Variants in PLXNC1 observed in about 807,000 individuals in gnomAD.
The protein encoded by PLXNC1 is plexin C1, also known as plexin-C1.
A neutral mutation model predicts 178.2 loss-of-function variants in PLXNC1; 75 were observed. That is an observed-to-expected ratio of 0.42 (90% CI 0.35 to 0.51). The LOEUF (loss-of-function observed/expected upper bound fraction) is 0.51, where lower values mean the gene tolerates loss of function less well. Ranked by LOEUF, PLXNC1 falls within the 20% of genes least tolerant of loss-of-function variation. PLXNC1 has a pLI of 0.02. For synonymous variants in PLXNC1, 790 were observed against 779.9 expected, an observed-to-expected ratio of 1.01 and a Z score of -0.22; for missense variants, 1,503 against 1,984.4, an observed-to-expected ratio of 0.76 and a Z score of 4.61.
At chr12:94,215,759 A>G (rs145148525) in intron 5 of PLXNC1, among the ~76,000 whole-genome samples, 1 of 152,152 alleles carries the variant, frequency 6.6e-6, no homozygotes, top group African/African-American at 2.4e-5. Context: ...GGCTTATACT[A>G]TGGAAACGTA....
intron 21 of PLXNC1, among the ~76,000 whole-genome samples, chr12:94,270,952 C>A (rs1965534289): frequency 6.6e-6 from 1 of 152,066 alleles, no homozygotes; most frequent in Admixed American, 6.5e-5. Context: ...GAACGTCAGG[C>A]AGAATGTCCC....
At chr12:94,226,990 TC>T (rs63402960) in intron 8 of PLXNC1, among the ~76,000 whole-genome samples, 158 bp from the exon 9 acceptor site, 27,189 of 151,900 alleles carry the variant, frequency 0.18, 2,947 homozygotes, top group African/African-American at 0.31. Context: ...GCCACTGCAC[TC>T]CCAGCCTGGG....
chr12:94,192,700 C>T (rs542983186), intron 4 of PLXNC1, among the ~76,000 whole-genome samples: 15 of 152,142 alleles, frequency 9.9e-5, no homozygotes, highest in African/African-American at 2.7e-4. Context: ...ATGTTCTAAG[C>T]CCTGGCTGAC....
rs533840382 is a variant in PLXNC1, at chr12:94,278,621, G to T, written c.3598-851G>T. On this transcript the variant is annotated intron_variant, in intron 21 of 30. Transcript: ENST00000258526. ...GTGGGGATCTCAGTGCTTTAATGAG[G>T]GCTGGGGAAACCATCTGACTGAGGA... is the stretch of plus-strand genomic sequence containing the variant. Among the ~76,000 whole-genome samples, 41 of 152,202 alleles carry T rather than the reference G, an allele frequency of 2.7e-4. No individual in the cohort carries two copies. In the South Asian group the frequency reaches 8.5e-3, roughly 32 times the overall value.
chr12:94,256,499 T>C (rs1443414874), intron 17 of PLXNC1, among the ~76,000 whole-genome samples: 1 of 152,088 alleles, frequency 6.6e-6, no homozygotes, highest in Non-Finnish European at 1.5e-5. Context: ...GGCACCGAGA[T>C]CTACCATTTG....
rs75674989 is a variant in PLXNC1, at chr12:94,226,656, G to A, written c.1842G>A (p.Arg614=). 1 of 1,613,862 alleles carries A rather than the reference G, an allele frequency of 6.2e-7. No individual in the cohort carries two copies. Among genetic ancestry groups the A allele is most frequent in the South Asian group, 1.1e-5 (1 of 91,082 alleles). ...TGCAWCKSAR[R]CIHPFTACDP... ...GCGCGTGGTGTAAAAGTGCAAGAAG[G>A]TGTATCCACCCCTTCACAGCTTGCG... The change falls in exon 8 of 31, where the codon AGG becomes AGA. Residue 614 remains arginine (R), a synonymous_variant. Transcript: ENST00000258526.
chr12:94,304,976 C>T (rs533497882), intron 30 of PLXNC1, among the ~76,000 whole-genome samples: 3 of 152,244 alleles, frequency 2.0e-5, no homozygotes, highest in East Asian at 1.9e-4. Context: ...GTATTTCTTG[C>T]GAGCTTCTAT....
At chr12:94,226,757 C>G (rs1468567841) in intron 8 of PLXNC1, 50 bp downstream of exon 8, 1 of 1,291,060 alleles carries the variant, frequency 7.7e-7, no homozygotes. Context: ...GGCATGGTGG[C>G]TCACGCCTGC....
At chr12:94,154,863 C>T (rs552472792) in intron 1 of PLXNC1, among the ~76,000 whole-genome samples, 9 of 152,286 alleles carry the variant, frequency 5.9e-5, no homozygotes, top group African/African-American at 1.7e-4. Context: ...GTTGAACCCC[C>T]CATACCTAGC....
At chr12:94,251,958 A>G (rs1208480422) in intron 15 of PLXNC1, among the ~76,000 whole-genome samples, 1 of 152,188 alleles carries the variant, frequency 6.6e-6, no homozygotes, top group East Asian at 1.9e-4. Flanking sequence ...ACACCACTGC[A>G]CTCCAGCCTG....
At chr12:94,226,764 C>G in intron 8 of PLXNC1, 57 bp downstream of exon 8, 1 of 1,241,112 alleles carries the variant, frequency 8.1e-7, no homozygotes, top group South Asian at 1.2e-5. Context: ...TGGCTCACGC[C>G]TGCAATCCCA....
chr12:94,159,729 A>G (rs998885739), intron 1 of PLXNC1, among the ~76,000 whole-genome samples: 2 of 152,224 alleles, frequency 1.3e-5, no homozygotes, highest in African/African-American at 4.8e-5. Flanking sequence ...TTGAATTCCT[A>G]AATAACGGCT....
At position 94,260,441 on chromosome 12, in the gene PLXNC1, C is replaced by T; in HGVS notation, c.3252-201C>T. Among the ~76,000 whole-genome samples the T allele has an allele frequency of 6.6e-6, 1 of 151,406 alleles. No individual in the cohort carries two copies. The highest frequency in any genetic ancestry group is 1.5e-5 in the Non-Finnish European group (1 of 67,942). On this transcript the variant is annotated intron_variant, in intron 19 of 30. Transcript: ENST00000258526. The surrounding 1 kb of genome is among the most constrained non-coding windows in gnomAD (Gnocchi z 4.4). ...ACTTTGGAAGACTCACATCTTGTTA[C>T]CACTCTAGTTTAAATGCTGAAAACA... is the stretch of plus-strand genomic sequence containing the variant.
chr12:94,262,709 C>A, intron 20 of PLXNC1: 2 of 985,486 alleles, frequency 2.0e-6, no homozygotes, highest in South Asian at 9.4e-5. Context: ...AGCCCTAGTC[C>A]TCCTGTCCTA....
intron 2 of PLXNC1, among the ~76,000 whole-genome samples, chr12:94,180,678 C>T (rs1409831173): frequency 6.6e-6 from 1 of 152,228 alleles, no homozygotes; most frequent in Non-Finnish European, 1.5e-5. Flanking sequence ...TATGTGAACA[C>T]AAACCTACTT....
In PLXNC1 at chr12:94,237,615, T is replaced by C. The variant is rs766589951; in HGVS notation, c.1981-49T>C. 5 of 1,559,642 alleles carry C rather than the reference T, an allele frequency of 3.2e-6. No individual in the cohort carries two copies. In the South Asian group the frequency reaches 4.6e-5, roughly 14 times the overall value. On this transcript the variant is annotated intron_variant, in intron 9 of 30. Transcript: ENST00000258526. ...GTATAAACAGATTTTTTTGGAGCGA[T>C]GCCATTTCTTAGCTTTGATCTCCTG... is the stretch of plus-strand genomic sequence containing the variant.
chr12:94,173,794 G>C (rs1961942017), intron 2 of PLXNC1, among the ~76,000 whole-genome samples: 1 of 152,186 alleles, frequency 6.6e-6, no homozygotes, highest in Admixed American at 6.5e-5. Flanking sequence ...GGTTTCATAA[G>C]AAGGGGCCGA....
At position 94,282,543 on chromosome 12, in the gene PLXNC1, C is replaced by T. The variant is rs1348002539; in HGVS notation, c.3879+142C>T. The stretch of plus-strand genomic sequence containing the variant: ...CGTGTCTGGGGCTGAAGTTTTCTTT[C>T]GTTGCTTGTGCAGACAAGCCCATGA... On this transcript the variant is annotated intron_variant, in intron 23 of 30. Transcript: ENST00000258526. The T allele has an allele frequency of 1.6e-5, 10 of 619,954 alleles. No individual in the cohort carries two copies. The East Asian group carries it at 1.7e-4, about 10-fold the overall frequency. The allele number at this position is 619,954 out of a possible 1,614,324, so 38.4% of individuals were successfully genotyped here. A position where few individuals can be genotyped will look rare whatever the true frequency, so the allele number is the denominator to read the frequency against.
chr12:94,165,198 G>C (rs933417572), intron 1 of PLXNC1, among the ~76,000 whole-genome samples: 3 of 152,096 alleles, frequency 2.0e-5, no homozygotes, highest in African/African-American at 7.2e-5. Flanking sequence ...CTGGACACAG[G>C]GGGCTGACTG....
Sources: allele counts gnomAD v4.1 joint callset (sites outside exome capture counted in the v4.1 genomes callset), GRCh38; gene constraint gnomAD v4.1.1; non-coding constraint Gnocchi (gnomAD v3.1); transcripts MANE v1.5; gene names NCBI Gene and HGNC (gene_info 2026-07-23, HGNC 2026-07-21).